Variants in ABCC4 observed in about 807,000 individuals in gnomAD.
The protein encoded by ABCC4 is ATP-binding cassette sub-family C member 4.
ABCC4 carries 102 observed loss-of-function variants against 168.5 expected under a neutral mutation model. That is an observed-to-expected ratio of 0.61 (90% CI 0.52 to 0.71). ABCC4 has a LOEUF of 0.71. ABCC4 is among the 30% of genes least tolerant of loss of function. The pLI, the probability that ABCC4 is intolerant of heterozygous loss-of-function variation, is 0.00. For missense variants in ABCC4, 1,402 were observed against 1,605.8 expected (o/e 0.87, Z 2.17); for synonymous variants, 617 against 590.7 (o/e 1.04, Z -0.65).
intron 20 of ABCC4, among the ~76,000 whole-genome samples, chr13:95,114,119 G>A (rs1392546737): frequency 6.6e-6 from 1 of 152,164 alleles, no homozygotes; most frequent in Non-Finnish European, 1.5e-5. Context: ...GCTAATTGGG[G>A]CCAGTAGGAT....
chr13:95,236,148 C>T (rs1028682704), intron 3 of ABCC4, among the ~76,000 whole-genome samples: 10 of 152,056 alleles, frequency 6.6e-5, no homozygotes, highest in African/African-American at 1.9e-4. Context: ...GCACTTCACC[C>T]GGCAACCTAC....
chr13:95,030,003 C>CCATA (rs2031794599), intron 30 of ABCC4, among the ~76,000 whole-genome samples: 1 of 151,326 alleles, frequency 6.6e-6, no homozygotes, highest in Non-Finnish European at 1.5e-5. Context: ...ATCCATCCAT[C>CCATA]CATCCATCCA....
intron 20 of ABCC4, among the ~76,000 whole-genome samples, chr13:95,094,762 A>G (rs773249051): frequency 6.6e-6 from 1 of 152,234 alleles, no homozygotes; most frequent in Non-Finnish European, 1.5e-5. Context: ...AATCTTCACA[A>G]TCTATACACA....
intron 19 of ABCC4, among the ~76,000 whole-genome samples, chr13:95,132,374 C>A (rs943689676): frequency 2.0e-5 from 3 of 152,054 alleles, no homozygotes; most frequent in Non-Finnish European, 1.5e-5. Flanking sequence ...CACTGCCAAG[C>A]CCGGCTAATT....
intron 1 of ABCC4, among the ~76,000 whole-genome samples, chr13:95,288,032 ACT>A (rs2041304843): frequency 6.6e-6 from 1 of 151,788 alleles, no homozygotes; most frequent in African/African-American, 2.4e-5. Flanking sequence ...ACGGAGTGAG[ACT>A]CTGCCTCACA....
intron 1 of ABCC4, among the ~76,000 whole-genome samples, chr13:95,296,828 T>G (rs191192622): frequency 6.6e-6 from 1 of 152,278 alleles, no homozygotes; most frequent in African/African-American, 2.4e-5. Context: ...GCTATGCCAC[T>G]TATTTCCACT....
chr13:95,251,007 C>G (rs2040243700), intron 1 of ABCC4, among the ~76,000 whole-genome samples: 2 of 152,046 alleles, frequency 1.3e-5, no homozygotes, highest in South Asian at 4.1e-4. Flanking sequence ...AGGCTGGTAT[C>G]GAACTCCTGG....
chr13:95,042,382 A>G (rs765425434), intron 29 of ABCC4, among the ~76,000 whole-genome samples: 1 of 152,326 alleles, frequency 6.6e-6, no homozygotes, highest in African/African-American at 2.4e-5. Flanking sequence ...GCCATTGTGC[A>G]TGGTGTAGAG....
intron 19 of ABCC4, among the ~76,000 whole-genome samples, chr13:95,142,469 A>G (rs1399456247): frequency 1.3e-5 from 2 of 152,154 alleles, no homozygotes; most frequent in East Asian, 3.9e-4. Context: ...AAGACTACAA[A>G]TATGGTGCAG....
At chr13:95,110,985 G>GAAAAAAAAAAAAAAAAC (rs2035185306) in intron 20 of ABCC4, among the ~76,000 whole-genome samples, 1 of 123,294 alleles carries the variant, frequency 8.1e-6, no homozygotes, top group Non-Finnish European at 1.7e-5. Flanking sequence ...AAAAAAGAAA[G>GAAAAAAAAAAAAAAAAC]AAAAAAAAAA....
rs141778352 is a variant in ABCC4, at chr13:95,075,512, T to C, written c.2726A>G (p.Gln909Arg). Residue 909 changes from glutamine (Q) to arginine (R), a missense_variant, in exon 22 of 31, where the codon CAG becomes CGG. Around this residue, in one of 3 missense-constraint regions of ABCC4, gnomAD observed 1,007 missense variants for 1,127.3 expected, o/e 0.89. Coordinates refer to ENST00000645237, the MANE Select transcript of ABCC4 (RefSeq NM_005845.5). ...GTATGCCCGGATGGTCCAGAGCCCC[T>C]GGAGAGAAGATGATAAGTGGGAAAA... ...PVFSHLSSSL[Q>R]GLWTIRAYKA... 28 of 1,614,054 alleles carry C rather than the reference T, an allele frequency of 1.7e-5. No homozygotes were observed. In the African/African-American group the frequency reaches 3.2e-4, roughly 18 times the overall value.
chr13:95,298,005 T>A (rs2041578684), intron 1 of ABCC4, among the ~76,000 whole-genome samples: 1 of 151,344 alleles, frequency 6.6e-6, no homozygotes, highest in South Asian at 2.1e-4. Context: ...TCCCTCAAAC[T>A]GGCCCAGGCA....
rs536376675 is a variant in ABCC4, at chr13:95,062,107, C to T, written c.3366+597G>A. On this transcript the variant is annotated intron_variant, in intron 26 of 30. Coordinates refer to ENST00000645237, the MANE Select transcript of ABCC4 (RefSeq NM_005845.5). ...CACCACACACTCTCACAATGGTGATCGTAAGGAAGATGAAGCAGAAGTGCA... is the reference window on the plus strand; with the variant it reads ...CACCACACACTCTCACAATGGTGATTGTAAGGAAGATGAAGCAGAAGTGCA... Among the ~76,000 whole-genome samples, 12 of 152,202 alleles carry T rather than the reference C, an allele frequency of 7.9e-5. No individual in the cohort carries two copies. The East Asian group carries it at 1.9e-3, about 24-fold the overall frequency.
At chr13:95,126,760 A>AAT (rs1351737800) in intron 19 of ABCC4, among the ~76,000 whole-genome samples, 3 of 44,930 alleles carry the variant, frequency 6.7e-5, no homozygotes, top group African/African-American at 5.9e-5. Flanking sequence ...TATATTCCAA[A>AAT]ATATATATAT....
intron 3 of ABCC4, among the ~76,000 whole-genome samples, chr13:95,245,486 G>A (rs1049389847): frequency 2.6e-5 from 4 of 152,174 alleles, no homozygotes; most frequent in East Asian, 1.9e-4. Context: ...GAAACTGATC[G>A]GGGCCATGTG....
intron 15 of ABCC4, among the ~76,000 whole-genome samples, chr13:95,165,721 C>T (rs1477164527): frequency 1.3e-5 from 2 of 152,206 alleles, no homozygotes; most frequent in Non-Finnish European, 2.9e-5. Context: ...CCACCTGCAG[C>T]ATCAGAACAT....
intron 9 of ABCC4, among the ~76,000 whole-genome samples, chr13:95,193,507 T>C (rs1341147288): frequency 2.0e-5 from 3 of 152,206 alleles, no homozygotes; most frequent in Non-Finnish European, 1.5e-5. Context: ...ACCCCTGCTT[T>C]CCCTTTGTGC....
chr13:95,119,487 G>C lies in ABCC4; in HGVS notation c.2456-3486C>G, dbSNP rs535417474. Among the ~76,000 whole-genome samples, 17 of 152,276 alleles carry C rather than the reference G, an allele frequency of 1.1e-4. No homozygotes were observed. The East Asian group carries it at 1.7e-3, about 16-fold the overall frequency. On this transcript the variant is annotated intron_variant, in intron 19 of 30. Transcript: ENST00000645237. ...CTTTGAAGTCATAATATCACATACAGAGTCAGGTTGCTCCTAACTTTTTTC... is the reference window on the plus strand; with the variant it reads ...CTTTGAAGTCATAATATCACATACACAGTCAGGTTGCTCCTAACTTTTTTC...
At chr13:95,168,047 C>T (rs1459731984) in intron 14 of ABCC4, among the ~76,000 whole-genome samples, 3 of 152,086 alleles carry the variant, frequency 2.0e-5, no homozygotes, top group African/African-American at 4.8e-5. Context: ...TTTGTATTTT[C>T]GGTAGAGATG....
Sources: allele counts gnomAD v4.1 joint callset (sites outside exome capture counted in the v4.1 genomes callset), GRCh38; gene constraint gnomAD v4.1.1; regional missense constraint gnomAD v4.1.1; transcripts MANE v1.5; gene names NCBI Gene and HGNC (gene_info 2026-07-23, HGNC 2026-07-21).